Variants in LINGO2 observed in about 807,000 individuals in gnomAD.
The protein encoded by LINGO2 is leucine-rich repeat and immunoglobulin-like domain-containing nogo receptor-interacting protein 2.
A neutral mutation model predicts 30.6 loss-of-function variants in LINGO2; 14 were observed. That is an observed-to-expected ratio of 0.46 (90% CI 0.30 to 0.72). The LOEUF (loss-of-function observed/expected upper bound fraction) is 0.72, where lower values mean the gene tolerates loss of function less well. Ranked by LOEUF, LINGO2 falls within the 30% of genes least tolerant of loss-of-function variation. The probability of loss-of-function intolerance (pLI) is 0.07; values close to 1 mark genes in which losing one functional copy is unlikely to be tolerated. For synonymous variants in LINGO2, 317 were observed against 288.5 expected, an observed-to-expected ratio of 1.10 and a Z score of -1.00; for missense variants, 729 against 751.7, an observed-to-expected ratio of 0.97 and a Z score of 0.35.
chr9:28,010,373 C>T (rs569317322), intron 5 of LINGO2, among the ~76,000 whole-genome samples: 64 of 152,278 alleles, frequency 4.2e-4, no homozygotes, highest in African/African-American at 1.5e-3. Context: ...AACCTAGACA[C>T]CTGGACACTG....
At chr9:28,784,812 C>T in the LINGO2 span, among the ~76,000 whole-genome samples, 5 of 151,982 alleles carry the variant, frequency 3.3e-5, no homozygotes, top group East Asian at 5.8e-4. Flanking sequence ...GTTAGCTGGG[C>T]GTGGTGGCGT....
chr9:28,402,273 GTA>G (rs1488864864), intron 2 of LINGO2, among the ~76,000 whole-genome samples: 1 of 152,010 alleles, frequency 6.6e-6, no homozygotes, highest in Non-Finnish European at 1.5e-5. Flanking sequence ...TCTTTTATTT[GTA>G]TTTCCTCTCT....
At chr9:29,015,967 G>A in the LINGO2 span, among the ~76,000 whole-genome samples, 1 of 152,048 alleles carries the variant, frequency 6.6e-6, no homozygotes, top group Non-Finnish European at 1.5e-5. Context: ...ACACACAATG[G>A]TCAATTCTAC....
chr9:28,841,454 G>T, the LINGO2 span, among the ~76,000 whole-genome samples: 2 of 151,644 alleles, frequency 1.3e-5, no homozygotes, highest in East Asian at 3.9e-4. Flanking sequence ...AATATATGCA[G>T]AAAACATACA....
At chr9:28,020,857 T>G (rs1470435310) in intron 4 of LINGO2, among the ~76,000 whole-genome samples, 1 of 152,176 alleles carries the variant, frequency 6.6e-6, no homozygotes, top group Non-Finnish European at 1.5e-5. Context: ...CATTTAAACC[T>G]CCTTGGAATC....
chr9:28,015,649 G>T (rs975037596), intron 4 of LINGO2, among the ~76,000 whole-genome samples: 7 of 151,968 alleles, frequency 4.6e-5, no homozygotes, highest in African/African-American at 1.7e-4. Context: ...TCCCTGAAAG[G>T]GTAATGATGC....
At chr9:28,371,756 A>AT (rs1447566269) in intron 3 of LINGO2, among the ~76,000 whole-genome samples, 1 of 152,222 alleles carries the variant, frequency 6.6e-6, no homozygotes, top group Non-Finnish European at 1.5e-5. Context: ...GAATTAAAAT[A>AT]TACTTGGTAG....
intron 1 of LINGO2, among the ~76,000 whole-genome samples, chr9:28,603,119 T>C (rs574246167): frequency 6.6e-6 from 1 of 152,156 alleles, no homozygotes; most frequent in East Asian, 1.9e-4. Context: ...AGTATGTGTT[T>C]AAAATGAAAA....
intron 5 of LINGO2, among the ~76,000 whole-genome samples, chr9:27,972,712 C>G (rs531896823): frequency 1.1e-3 from 164 of 152,290 alleles, no homozygotes; most frequent in Non-Finnish European, 1.9e-3. Context: ...CCACAGGAGT[C>G]AGAAGTTATT....
At chr9:27,949,565 T>C (rs1278195972) in exon 6 of LINGO2, 1 of 1,613,928 alleles carries the variant, frequency 6.2e-7, no homozygotes, top group Non-Finnish European at 8.5e-7. Flanking sequence ...GGGTGGGCTG[T>C]CGCTGCAAGA....
intron 4 of LINGO2, among the ~76,000 whole-genome samples, chr9:28,066,239 C>T (rs1825309648): frequency 6.6e-6 from 1 of 151,980 alleles, no homozygotes; most frequent in Non-Finnish European, 1.5e-5. Context: ...CATCACCTGG[C>T]ACAAACACTC....
the LINGO2 span, among the ~76,000 whole-genome samples, chr9:28,848,363 TTGTGTGTGTGTGTGTG>T: frequency 0.014 from 1,052 of 74,666 alleles, 31 homozygotes; most frequent in African/African-American, 0.047. Flanking sequence ...TACACATATA[TTGTGTGTGTGTGTGTG>T]TGTGTGTGTG....
rs532400997 is a variant in LINGO2 at position 28,450,016 on chromosome 9, A to C, written c.-279+25924T>G. 1.9e-4 allele frequency among the ~76,000 whole-genome samples: 29 copies of C among 152,126 alleles called. No individual in the cohort carries two copies. In the South Asian group the frequency reaches 6.0e-3, roughly 32 times the overall value. On this transcript the variant is annotated intron_variant, in intron 2 of 5. Coordinates refer to ENST00000379992, the Ensembl canonical transcript of LINGO2. ...GCACACCATTCCGCATTACTCATGC[A>C]TCACACCATAACTTAGACTCCCTTC...
the LINGO2 span, among the ~76,000 whole-genome samples, chr9:28,988,140 T>G: frequency 6.6e-6 from 1 of 152,218 alleles, no homozygotes; most frequent in Admixed American, 6.5e-5. Flanking sequence ...TAAAGTTTCC[T>G]ATTATCATTG....
the LINGO2 span, among the ~76,000 whole-genome samples, chr9:29,064,530 T>C: frequency 1.4e-4 from 22 of 152,130 alleles, no homozygotes; most frequent in African/African-American, 4.8e-4. Flanking sequence ...TTAATTTTTA[T>C]AAAAATCTGC....
intron 4 of LINGO2, among the ~76,000 whole-genome samples, chr9:28,087,429 G>A (rs1189201945): frequency 1.3e-5 from 2 of 151,928 alleles, no homozygotes; most frequent in Non-Finnish European, 1.5e-5. Flanking sequence ...TTTCCCTTAA[G>A]GGTAAAAACG....
intron 1 of LINGO2, among the ~76,000 whole-genome samples, chr9:28,507,583 G>C (rs1006505977): frequency 6.6e-6 from 1 of 152,052 alleles, no homozygotes; most frequent in Non-Finnish European, 1.5e-5. Flanking sequence ...GTCCAAGATA[G>C]GTTAGTAAAG....
intron 2 of LINGO2, among the ~76,000 whole-genome samples, chr9:28,416,103 T>C (rs1473594964): frequency 6.6e-6 from 1 of 152,172 alleles, no homozygotes; most frequent in Non-Finnish European, 1.5e-5. Flanking sequence ...ATCAAAATCT[T>C]AGGCAAAATT....
chr9:28,635,420 A>T (rs1827215022), intron 1 of LINGO2, among the ~76,000 whole-genome samples: 1 of 152,186 alleles, frequency 6.6e-6, no homozygotes, highest in Non-Finnish European at 1.5e-5. Flanking sequence ...AAGTTAGCTT[A>T]ACTTATAAGA....
Sources: allele counts gnomAD v4.1 joint callset (sites outside exome capture counted in the v4.1 genomes callset), GRCh38; gene constraint gnomAD v4.1.1; transcripts MANE v1.5; gene names NCBI Gene and HGNC (gene_info 2026-07-23, HGNC 2026-07-21).